The following FBN1 variants were observed in gnomAD, a reference collection of about 807,000 sequenced individuals.
FBN1 encodes the protein fibrillin-1.
In FBN1, 29 loss-of-function variants were observed where a neutral mutation model predicts 365.1. The ratio of observed to expected loss-of-function variants is 0.08; its 90% CI spans 0.06 to 0.11. The LOEUF is 0.11. FBN1 is among the 10% of genes least tolerant of loss of function. FBN1 has a pLI of 1.00. For missense variants in FBN1, 2,476 were observed against 3,703.2 expected (o/e 0.67, Z 8.60); for synonymous variants, 1,210 against 1,270.5 (o/e 0.95, Z 1.01).
At chr15:48,568,521 T>C (rs1410932428) in intron 6 of FBN1, among the ~76,000 whole-genome samples, 1 of 152,030 alleles carries the variant, frequency 6.6e-6, no homozygotes, top group Non-Finnish European at 1.5e-5. Flanking sequence ...AAAATTTATA[T>C]GGAAATGCAA....
rs1436381119 is a variant in FBN1, at chr15:48,537,635, T to C, written c.712A>G (p.Asn238Asp). 1.2e-6 allele frequency: 2 copies of C among 1,614,214 alleles called. No individual in the cohort carries two copies. Among genetic ancestry groups the C allele is most frequent in the Non-Finnish European group, 1.7e-6 (2 of 1,180,030 alleles). Residue 238 changes from asparagine (N) to aspartate (D), a missense_variant, in exon 7 of 66, where the codon AAT (asparagine) becomes GAT (aspartate). Asn to Asp is a conservative substitution (Grantham distance 23). This residue lies in a region of FBN1 where 421 missense variants were observed against 520.1 expected (regional missense o/e 0.81). Coordinates refer to ENST00000316623, the MANE Select transcript of FBN1 (RefSeq NM_000138.5). ...PHPCRRGFIP[N>D]IRTGACQDVD... ...CCTTGACAAGCTCCCGTGCGGATAT[T>C]TGGAATGAAGCCACGGCGGCAGGGG...
intron 64 of FBN1, among the ~76,000 whole-genome samples, chr15:48,413,492 G>A (rs1441121874): frequency 6.6e-6 from 1 of 152,166 alleles, no homozygotes; most frequent in Non-Finnish European, 1.5e-5. Flanking sequence ...TTGCCTTTCA[G>A]TTATCAAAGC....
rs573734917 is a variant in FBN1 at position 48,471,177 on chromosome 15, T to A, written c.4337-421A>T. 2.6e-5 allele frequency among the ~76,000 whole-genome samples: 4 copies of A among 152,278 alleles called. No homozygotes were observed. The South Asian group carries it at 8.3e-4, about 32-fold the overall frequency. On this transcript the variant is annotated intron_variant, in intron 35 of 65. Coordinates refer to ENST00000316623, the MANE Select transcript of FBN1 (RefSeq NM_000138.5). ...CTTTCAGGGAACTGTCATAATTAGT[T>A]GCATAATCTCCAGTGTCCCTAGTCC...
At chr15:48,453,957 T>TA (rs1010621291) in intron 44 of FBN1, among the ~76,000 whole-genome samples, 7 of 151,960 alleles carry the variant, frequency 4.6e-5, no homozygotes, top group East Asian at 1.9e-4. Flanking sequence ...TGCTCACATC[T>TA]AAAAAAAAGT....
chr15:48,445,322 C>T lies in FBN1; in HGVS notation c.5917+54G>A, dbSNP rs566804365. On this transcript the variant is annotated intron_variant, in intron 48 of 65. Coordinates refer to ENST00000316623, the MANE Select transcript of FBN1 (RefSeq NM_000138.5). Reference sequence around the variant, plus strand: ...CATTAGAACAGAGACTGCATGATTCCTTGAGTGGTCTCTGGAAGCATTCTT... The same window carrying T: ...CATTAGAACAGAGACTGCATGATTCTTTGAGTGGTCTCTGGAAGCATTCTT... 5.7e-5 allele frequency: 91 copies of T among 1,596,860 alleles called. 1 individual carries two copies. The South Asian group carries it at 9.9e-4, about 17-fold the overall frequency.
chr15:48,472,447 A>T, intron 35 of FBN1, 104 bp downstream of exon 35: 25 of 1,430,886 alleles, frequency 1.7e-5, no homozygotes, highest in Non-Finnish European at 2.1e-5. Context: ...AAGCTAAAAC[A>T]CACCTCAGTT....
chr15:48,613,989 T>A (rs1038125619), intron 2 of FBN1, among the ~76,000 whole-genome samples: 6 of 152,210 alleles, frequency 3.9e-5, no homozygotes, highest in African/African-American at 1.2e-4. Context: ...AAAATCAGTG[T>A]CACTCTGGGT....
At chr15:48,560,164 G>A (rs1437335382) in intron 6 of FBN1, among the ~76,000 whole-genome samples, 1 of 152,088 alleles carries the variant, frequency 6.6e-6, no homozygotes, top group African/African-American at 2.4e-5. Flanking sequence ...ACCACGCTAC[G>A]TGTACTCTTA....
intron 37 of FBN1, 39 bp from the exon 38 acceptor site, chr15:48,468,141 T>C (rs764950937): frequency 1.2e-6 from 2 of 1,611,496 alleles, no homozygotes; most frequent in African/African-American, 2.7e-5. Flanking sequence ...TCAGGCAGAA[T>C]CTTTCTACTG....
rs113496144 is a variant in FBN1, at chr15:48,546,885, G to A, written c.539-9077C>T. Among the ~76,000 whole-genome samples the A allele has an allele frequency of 6.5e-3, 982 of 152,168 alleles. 11 individuals carry two copies. The highest frequency in any genetic ancestry group is 0.022 in the African/African-American group (930 of 41,518). On this transcript the variant is annotated intron_variant, in intron 6 of 65. Coordinates refer to ENST00000316623, the MANE Select transcript of FBN1 (RefSeq NM_000138.5). Reference sequence around the variant, plus strand: ...GCGTGAGGGAAACCGGAAGGCTCCCGGGCTTCTGGCTTCCATCACTGAATA... The same window carrying A: ...GCGTGAGGGAAACCGGAAGGCTCCCAGGCTTCTGGCTTCCATCACTGAATA...
intron 4 of FBN1, 93 bp downstream of exon 4, chr15:48,610,635 T>C (rs1318779885): frequency 3.3e-6 from 3 of 918,210 alleles, no homozygotes; most frequent in Non-Finnish European, 5.2e-6. Flanking sequence ...AAAAAATGTA[T>C]TGCAGGAAAG....
At chr15:48,449,012 A>G (rs2043180420) in intron 45 of FBN1, 119 bp from the exon 46 acceptor site, 2 of 837,632 alleles carry the variant, frequency 2.4e-6, no homozygotes, top group East Asian at 2.7e-5. Context: ...TGAAACAGAT[A>G]TATTTATTTT....
intron 4 of FBN1, among the ~76,000 whole-genome samples, chr15:48,605,066 T>A (rs896005897): frequency 6.6e-6 from 1 of 152,178 alleles, no homozygotes; most frequent in African/African-American, 2.4e-5. Context: ...TATAAGGGGT[T>A]TGAAAAGTGT....
chr15:48,587,322 C>T (rs1206515143), intron 6 of FBN1, among the ~76,000 whole-genome samples: 1 of 152,194 alleles, frequency 6.6e-6, no homozygotes, highest in East Asian at 1.9e-4. Context: ...AAAACAGTTT[C>T]AGAAATAGAC....
chr15:48,571,673 A>C (rs1427770213), intron 6 of FBN1, among the ~76,000 whole-genome samples: 1 of 152,166 alleles, frequency 6.6e-6, no homozygotes, highest in Admixed American at 6.6e-5. Flanking sequence ...ATGAGGTGAA[A>C]CCAAAACTTA....
At chr15:48,515,677 C>T (rs1178774046) in intron 11 of FBN1, 150 bp from the exon 12 acceptor site, 1 of 1,023,300 alleles carries the variant, frequency 9.8e-7, no homozygotes, top group African/African-American at 1.6e-5. Flanking sequence ...GAGCATATTT[C>T]CACCCTGCCA....
At chr15:48,623,958 C>A (rs571663269) in intron 2 of FBN1, among the ~76,000 whole-genome samples, 51 of 101,166 alleles carry the variant, frequency 5.0e-4, no homozygotes, top group African/African-American at 1.6e-3. Flanking sequence ...TACACACACA[C>A]AAAGACACAA....
intron 44 of FBN1, among the ~76,000 whole-genome samples, chr15:48,453,740 G>A (rs927381113): frequency 3.9e-5 from 6 of 152,190 alleles, no homozygotes; most frequent in Non-Finnish European, 7.4e-5. Flanking sequence ...GGGAGGCTGT[G>A]CATGTGTAGG....
At chr15:48,519,176 A>G (rs2043830117) in intron 10 of FBN1, among the ~76,000 whole-genome samples, 1 of 152,222 alleles carries the variant, frequency 6.6e-6, no homozygotes, top group Non-Finnish European at 1.5e-5. Context: ...CTAAACAGTG[A>G]TCTACTAAAT....
Sources: gnomAD v4.1 joint callset for allele counts (sites outside exome capture counted in the v4.1 genomes callset) on GRCh38, gnomAD v4.1.1 for gene constraint, gnomAD v4.1.1 regional missense constraint, MANE v1.5 for transcripts, NCBI Gene and HGNC (gene_info 2026-07-23, HGNC 2026-07-21) for gene names.